EYA1: variants seen among roughly 807,000 people sequenced by gnomAD.
The protein encoded by EYA1 is EYA transcriptional coactivator and phosphatase 1.
Under a neutral mutation model 82.0 loss-of-function variants are expected in EYA1, and 16 were observed. That is an observed-to-expected ratio of 0.20 (90% CI 0.13 to 0.30). The LOEUF (loss-of-function observed/expected upper bound fraction) is 0.30, where lower values mean the gene tolerates loss of function less well. Among genes scored for constraint, EYA1 ranks in the 10% least tolerant of loss-of-function variants. The probability of loss-of-function intolerance (pLI) is 1.00; values close to 1 mark genes in which losing one functional copy is unlikely to be tolerated. For missense variants in EYA1, 633 were observed against 730.7 expected, an observed-to-expected ratio of 0.87 and a Z score of 1.54; for synonymous variants, 261 against 264.4, an observed-to-expected ratio of 0.99 and a Z score of 0.12.
intron 2 of EYA1, among the ~76,000 whole-genome samples, chr8:71,369,032 C>CAAAAAAAAAAAAA (rs60647486): frequency 4.4e-5 from 5 of 112,812 alleles, no homozygotes; most frequent in Admixed American, 9.2e-5. Context: ...ACTAAAAATA[C>CAAAAAAAAAAAAA]AAAAAAAAAA....
chr8:71,428,462 A>T (rs1805395850), intron 2 of EYA1, among the ~76,000 whole-genome samples: 1 of 152,242 alleles, frequency 6.6e-6, no homozygotes, highest in African/African-American at 2.4e-5. Flanking sequence ...TGCAAAATAC[A>T]TGAATAAGAT....
At chr8:71,530,334 G>A (rs1814163408) in intron 2 of EYA1, among the ~76,000 whole-genome samples, 1 of 152,170 alleles carries the variant, frequency 6.6e-6, no homozygotes, top group Non-Finnish European at 1.5e-5. Context: ...GCATGGCCCT[G>A]CTAACATGTT....
chr8:71,292,864 A>G (rs13270553), intron 9 of EYA1, among the ~76,000 whole-genome samples: 71,537 of 151,726 alleles, frequency 0.47, 17,448 homozygotes, highest in East Asian at 0.71. Context: ...AAAATCAATC[A>G]TCTAAGCACC....
chr8:71,408,242 C>G (rs1055467868), intron 2 of EYA1, among the ~76,000 whole-genome samples: 6 of 152,042 alleles, frequency 3.9e-5, no homozygotes, highest in African/African-American at 1.4e-4. Context: ...TGGAAAGGAA[C>G]AACTGGTACC....
At chr8:71,356,282 GCTC>G (rs1375254960) in intron 2 of EYA1, among the ~76,000 whole-genome samples, 177 bp downstream of exon 2, 2 of 152,026 alleles carry the variant, frequency 1.3e-5, no homozygotes, top group South Asian at 2.1e-4. Flanking sequence ...TCAAACCGAG[GCTC>G]CTATTCCCTT....
rs191327633 is a variant in EYA1 at position 71,289,900 on chromosome 8, T to C, written c.826+9147A>G. Among the ~76,000 whole-genome samples, 36 of 152,306 alleles carry C rather than the reference T, an allele frequency of 2.4e-4. 1 individual carries two copies. Among genetic ancestry groups the C allele is most frequent in the Admixed American group, 2.3e-3 (35 of 15,300 alleles). On this transcript the variant is annotated intron_variant, in intron 9 of 17. Transcript: ENST00000340726. The stretch of plus-strand genomic sequence containing the variant: ...GCAGAACAGCATGTATAGTACTCTA[T>C]TATTTGTGAAGGACCAAAAAGCTAA...
intron 2 of EYA1, among the ~76,000 whole-genome samples, chr8:71,445,065 A>G (rs1806768045): frequency 6.6e-6 from 1 of 152,194 alleles, no homozygotes; most frequent in South Asian, 2.1e-4. Flanking sequence ...CATTGCCACT[A>G]GTAGAATACC....
Position 71,328,099 on chromosome 8 carries a change from T to C in EYA1, c.203-5831A>G, listed in dbSNP as rs187327304. On this transcript the variant is annotated intron_variant, in intron 4 of 17. Coordinates refer to ENST00000340726, the MANE Select transcript of EYA1 (RefSeq NM_000503.6). ...CTTGACCTCCTGTCCTGGTGATCTC[T>C]CTACCTTGGCCTCCCAAAGTACTGG... Among the ~76,000 whole-genome samples, 209 of 152,154 alleles carry C rather than the reference T, an allele frequency of 1.4e-3. 1 individual carries two copies. Among genetic ancestry groups the C allele is most frequent in the African/African-American group, 4.7e-3 (197 of 41,518 alleles).
At position 71,221,948 on chromosome 8, in the gene EYA1, G is replaced by A. The variant is rs554324320; in HGVS notation, c.1141-4925C>T. On this transcript the variant is annotated intron_variant, in intron 12 of 17. Coordinates refer to ENST00000340726, the MANE Select transcript of EYA1 (RefSeq NM_000503.6). Reference sequence around the variant, plus strand: ...GGGTAAGGGGGGCAATGCACATGCCGGCAGCCCACCCTAAGGGAAGATGCA... The same window carrying A: ...GGGTAAGGGGGGCAATGCACATGCCAGCAGCCCACCCTAAGGGAAGATGCA... 2.0e-3 allele frequency among the ~76,000 whole-genome samples: 302 copies of A among 152,284 alleles called. 9 individuals carry two copies. The highest frequency in any genetic ancestry group is 1.7e-3 in the Non-Finnish European group (118 of 68,030).
intron 9 of EYA1, among the ~76,000 whole-genome samples, chr8:71,274,928 G>GAGCA (rs1554531363): frequency 7.2e-5 from 11 of 151,890 alleles, no homozygotes; most frequent in South Asian, 4.1e-4. Context: ...GAGAGAATGA[G>GAGCA]AGCGAGTGAA....
intron 2 of EYA1, among the ~76,000 whole-genome samples, chr8:71,533,402 A>T (rs533719271): frequency 6.6e-6 from 1 of 152,290 alleles, no homozygotes; most frequent in South Asian, 2.1e-4. Context: ...GATTTACTCT[A>T]AATATGGCTG....
intron 3 of EYA1, among the ~76,000 whole-genome samples, chr8:71,347,900 A>C (rs916903458): frequency 3.3e-5 from 5 of 151,250 alleles, no homozygotes; most frequent in Non-Finnish European, 7.4e-5. Flanking sequence ...AAAAAAAAAA[A>C]AAAAAAACCC....
chr8:71,304,872 T>C (rs1390590057), intron 7 of EYA1, among the ~76,000 whole-genome samples: 1 of 142,448 alleles, frequency 7.0e-6, no homozygotes, highest in Admixed American at 7.0e-5. Flanking sequence ...CACCGAAGTT[T>C]AGAACGCCAC....
intron 12 of EYA1, among the ~76,000 whole-genome samples, chr8:71,236,921 C>G (rs546481310): frequency 7.0e-4 from 106 of 152,298 alleles, no homozygotes; most frequent in African/African-American, 2.4e-3. Flanking sequence ...AACTGCTTTT[C>G]TGAAAACTTG....
At chr8:71,437,400 C>T (rs1806095450) in intron 2 of EYA1, among the ~76,000 whole-genome samples, 1 of 151,790 alleles carries the variant, frequency 6.6e-6, no homozygotes, top group Admixed American at 6.6e-5. Context: ...CTCTTTATAA[C>T]CAGGAACCCA....
intron 2 of EYA1, among the ~76,000 whole-genome samples, chr8:71,447,558 T>A (rs1368588528): frequency 6.6e-6 from 1 of 152,190 alleles, no homozygotes; most frequent in Non-Finnish European, 1.5e-5. Context: ...TTATATTGAT[T>A]TAAGTTTTGA....
At chr8:71,307,664 G>C (rs1033246511) in intron 7 of EYA1, among the ~76,000 whole-genome samples, 1 of 152,142 alleles carries the variant, frequency 6.6e-6, no homozygotes, top group Admixed American at 6.6e-5. Context: ...ATTTTAAGTT[G>C]ATTAAGTATC....
At chr8:71,523,494 CT>C (rs1283480620) in intron 2 of EYA1, among the ~76,000 whole-genome samples, 5 of 152,122 alleles carry the variant, frequency 3.3e-5, no homozygotes, top group African/African-American at 1.2e-4. Flanking sequence ...CTATTCAGCT[CT>C]TATTGGCAGT....
intron 1 of EYA1, among the ~76,000 whole-genome samples, chr8:71,539,069 G>C (rs1003314592): frequency 2.0e-5 from 3 of 152,050 alleles, no homozygotes; most frequent in Admixed American, 6.6e-5. Context: ...ATTCACCCCT[G>C]AAGTGAAATT....
Sources: allele counts gnomAD v4.1 joint callset (sites outside exome capture counted in the v4.1 genomes callset), GRCh38; gene constraint gnomAD v4.1.1; transcripts MANE v1.5; gene names NCBI Gene and HGNC (gene_info 2026-07-23, HGNC 2026-07-21).